The following DOCK9 variants were observed in gnomAD, a reference collection of about 807,000 sequenced individuals.
DOCK9 encodes the protein dedicator of cytokinesis 9.
A neutral mutation model predicts 263.3 loss-of-function variants in DOCK9; 89 were observed. The observed-to-expected ratio is 0.34, with a 90% CI of 0.28 to 0.40. The LOEUF (loss-of-function observed/expected upper bound fraction) is 0.40. Among genes scored for constraint, DOCK9 ranks in the 10% least tolerant of loss-of-function variants. The probability of loss-of-function intolerance (pLI) is 1.00; values close to 1 mark genes in which losing one functional copy is unlikely to be tolerated. For synonymous variants in DOCK9, 976 were observed against 973.1 expected, an observed-to-expected ratio of 1.00 and a Z score of -0.06; for missense variants, 2,140 against 2,603.4, an observed-to-expected ratio of 0.82 and a Z score of 3.87.
At chr13:98,810,918 G>A (rs1438239369) in intron 45 of DOCK9, among the ~76,000 whole-genome samples, 1 of 152,172 alleles carries the variant, frequency 6.6e-6, no homozygotes, top group Non-Finnish European at 1.5e-5. Flanking sequence ...TTGCTTCATC[G>A]TGGGTGGACA....
At chr13:98,985,230 T>G (rs554985720) in intron 1 of DOCK9, among the ~76,000 whole-genome samples, 12 of 152,220 alleles carry the variant, frequency 7.9e-5, no homozygotes, top group African/African-American at 2.9e-4. Flanking sequence ...TCCCACTGTT[T>G]AGAGAAGGCT....
At chr13:98,983,138 C>A (rs1262729189) in intron 1 of DOCK9, among the ~76,000 whole-genome samples, 1 of 152,140 alleles carries the variant, frequency 6.6e-6, no homozygotes, top group Non-Finnish European at 1.5e-5. Context: ...TATGCATACA[C>A]ACACATATGT....
At chr13:98,970,555 T>A (rs2059637090) in intron 1 of DOCK9, among the ~76,000 whole-genome samples, 1 of 152,036 alleles carries the variant, frequency 6.6e-6, no homozygotes, top group Admixed American at 6.5e-5. Flanking sequence ...CAACTCTCCA[T>A]ATTAAGGAAA....
At chr13:98,866,593 A>C (rs548942773) in intron 30 of DOCK9, among the ~76,000 whole-genome samples, 1 of 152,350 alleles carries the variant, frequency 6.6e-6, no homozygotes, top group South Asian at 2.1e-4. Context: ...AATTTGTTCA[A>C]TTTGATTTAC....
intron 31 of DOCK9, 35 bp downstream of exon 31, chr13:98,863,335 A>G (rs1411043927): frequency 6.2e-7 from 1 of 1,600,746 alleles, no homozygotes; most frequent in Non-Finnish European, 8.5e-7. Context: ...AAAGGACATT[A>G]TCAATGCACA....
chr13:98,833,271 A>G (rs554874977), intron 39 of DOCK9, among the ~76,000 whole-genome samples: 1 of 151,464 alleles, frequency 6.6e-6, no homozygotes, highest in East Asian at 1.9e-4. Flanking sequence ...TATGAATGCC[A>G]TTTTCTCAGG....
chr13:98,959,670 G>A (rs917894025), intron 1 of DOCK9: 3 of 152,482 alleles, frequency 2.0e-5, no homozygotes, highest in African/African-American at 7.2e-5. Flanking sequence ...AGAGACTGGT[G>A]AGGGAGACAG....
At chr13:98,915,212 T>A in intron 8 of DOCK9, 117 bp downstream of exon 8, 3 of 952,334 alleles carry the variant, frequency 3.2e-6, no homozygotes, top group Non-Finnish European at 3.1e-6. Flanking sequence ...AAAGAGCTCC[T>A]ATCCGTCCCA....
At chr13:99,030,115 A>G (rs1887177497) in intron 1 of DOCK9, among the ~76,000 whole-genome samples, 1 of 152,258 alleles carries the variant, frequency 6.6e-6, no homozygotes, top group South Asian at 2.1e-4. Context: ...TTGGGGGTAC[A>G]GAGAAACTGC....
intron 1 of DOCK9, among the ~76,000 whole-genome samples, chr13:99,068,823 A>G (rs932289992): frequency 1.4e-4 from 22 of 152,326 alleles, no homozygotes; most frequent in African/African-American, 5.1e-4. Context: ...AAGAGATTAA[A>G]TATCCTGTAA....
At chr13:98,806,439 A>G (rs996468903) in intron 48 of DOCK9, among the ~76,000 whole-genome samples, 5 of 152,246 alleles carry the variant, frequency 3.3e-5, no homozygotes, top group Admixed American at 3.3e-4. Context: ...AACCTTCTAG[A>G]GCAATAAAAA....
chr13:98,983,294 C>G (rs1218611712), intron 1 of DOCK9, among the ~76,000 whole-genome samples: 1 of 152,154 alleles, frequency 6.6e-6, no homozygotes. Context: ...CCGCAGTATA[C>G]TGTTGCTGGT....
intron 1 of DOCK9, among the ~76,000 whole-genome samples, chr13:99,054,132 T>C (rs2040820174): frequency 6.6e-6 from 1 of 152,346 alleles, no homozygotes; most frequent in South Asian, 2.1e-4. Context: ...ACTCTTCTGG[T>C]GGCTCACTCT....
rs777334983 is a variant in DOCK9 at position 98,827,587 on chromosome 13, A to C, written c.4966-700T>G. On this transcript the variant is annotated intron_variant, in intron 43 of 52. Transcript: ENST00000682017. Reference sequence around the variant, plus strand: ...CTCACCCCTAGCTACTAGCCAACACACACCAGCAGAGGCTGCTCCACGTGC... The same window carrying C: ...CTCACCCCTAGCTACTAGCCAACACCCACCAGCAGAGGCTGCTCCACGTGC... Among the ~76,000 whole-genome samples the C allele has an allele frequency of 2.0e-5, 3 of 152,206 alleles. No homozygotes were observed. The East Asian group carries it at 5.8e-4, about 29-fold the overall frequency.
chr13:98,942,647 G>A (rs1013165644), intron 2 of DOCK9, among the ~76,000 whole-genome samples: 5 of 152,184 alleles, frequency 3.3e-5, no homozygotes, highest in Admixed American at 1.3e-4. Flanking sequence ...TCACAGTTAC[G>A]TGTTGCATAA....
At chr13:98,881,827 G>GCATGACT (rs2044813190) in intron 24 of DOCK9, 65 bp downstream of exon 24, 8 of 1,385,966 alleles carry the variant, frequency 5.8e-6, no homozygotes, top group Non-Finnish European at 7.0e-6. Context: ...TCCCAGCTAT[G>GCATGACT]CATGACTATG....
At chr13:98,883,725 T>C (rs1421112712) in intron 22 of DOCK9, 88 bp downstream of exon 22, 28 of 763,830 alleles carry the variant, frequency 3.7e-5, no homozygotes, top group Non-Finnish European at 5.9e-5. Flanking sequence ...TATAGTAATA[T>C]AACACATTAG....
rs2093800881 is a variant in DOCK9, at chr13:98,859,729, T to TGTGTGTGTG, written c.3697+675_3697+676insCACACACAC. ...GACAATTCTTGGAGGATATGTGTGTTTGTGTGTGTGTGTGTGTGTGTGTGT... is the reference window on the plus strand; with the variant it reads ...GACAATTCTTGGAGGATATGTGTGTTGTGTGTGTGTGTGTGTGTGTGTGTGTGTGTGTGT... On this transcript the variant is annotated intron_variant, in intron 33 of 52. Coordinates refer to ENST00000682017, the MANE Select transcript of DOCK9 (RefSeq NM_001366683.2). 2.1e-5 allele frequency: 3 copies of TGTGTGTGTG among 142,630 alleles called. No individual in the cohort carries two copies. In the South Asian group the frequency reaches 7.0e-4, roughly 33 times the overall value. The allele number at this position is 142,630 out of a possible 1,614,324, so 8.8% of individuals were successfully genotyped here.
In DOCK9 at chr13:98,872,576, T is replaced by C. The variant is rs1594849136; in HGVS notation, c.2944-4199A>G. Among the ~76,000 whole-genome samples the C allele has an allele frequency of 2.6e-5, 4 of 152,086 alleles. No homozygotes were observed. In the South Asian group the frequency reaches 8.3e-4, roughly 32 times the overall value. On this transcript the variant is annotated intron_variant, in intron 27 of 52. Coordinates refer to ENST00000682017, the MANE Select transcript of DOCK9 (RefSeq NM_001366683.2). ...CATGTGTCACCATGCCCAGCTAATT[T>C]TGTTCACATTTGCAGAGATGACGTC...
Sources: gnomAD v4.1 joint callset for allele counts (sites outside exome capture counted in the v4.1 genomes callset) on GRCh38, gnomAD v4.1.1 for gene constraint, MANE v1.5 for transcripts, NCBI Gene and HGNC (gene_info 2026-07-23, HGNC 2026-07-21) for gene names.